Variants in C10orf67 observed in about 807,000 individuals in gnomAD.
C10orf67 encodes uncharacterized protein C10orf67, mitochondrial.
Under a neutral mutation model 35.6 loss-of-function variants are expected in C10orf67, and 60 were observed. That is an observed-to-expected ratio of 1.68 (90% CI 1.37 to 2.09). C10orf67 has a LOEUF of 2.09. C10orf67 is among the 30% of genes most tolerant of loss of function. C10orf67 has a pLI of 0.00. For synonymous variants in C10orf67, 167 were observed against 115.8 expected, an observed-to-expected ratio of 1.44 and a Z score of -2.84; for missense variants, 474 against 330.2, an observed-to-expected ratio of 1.44 and a Z score of -3.38.
intron 7 of C10orf67, among the ~76,000 whole-genome samples, chr10:23,283,741 C>G (rs937856341): frequency 1.3e-5 from 2 of 152,120 alleles, no homozygotes; most frequent in African/African-American, 2.4e-5. Flanking sequence ...CTGGCTAACT[C>G]TAACTGCTCT....
At chr10:23,227,238 C>A (rs1316204109) in intron 13 of C10orf67, among the ~76,000 whole-genome samples, 1 of 152,208 alleles carries the variant, frequency 6.6e-6, no homozygotes, top group Non-Finnish European at 1.5e-5. Context: ...GCTTATCCAA[C>A]ATGATCAAGT....
At chr10:23,223,249 T>C (rs929374438) in intron 15 of C10orf67, among the ~76,000 whole-genome samples, 24 of 152,014 alleles carry the variant, frequency 1.6e-4, no homozygotes, top group African/African-American at 5.8e-4. Context: ...AATTTTTGTA[T>C]GTTTGTATTT....
Position 23,344,692 on chromosome 10 carries a change from C to A in C10orf67, c.83G>T (p.Arg28Met), listed in dbSNP as rs2132435804. The A allele has an allele frequency of 6.3e-7, 1 of 1,576,442 alleles. No individual in the cohort carries two copies. The highest frequency in any genetic ancestry group is 2.3e-5 in the East Asian group (1 of 42,646). ...RWVHCFSSSL[R>M]GTFGTRWEAM... Reference sequence around the variant, plus strand: ...CTCCCAGCGTGTGCCAAAGGTCCCCCTCAAGGAGGAGGAAAAGCAGTGAAC... The same window carrying A: ...CTCCCAGCGTGTGCCAAAGGTCCCCATCAAGGAGGAGGAAAAGCAGTGAAC... The change falls in exon 1 of 16, where the codon AGG becomes ATG. Residue 28 changes from arginine (R) to methionine (M), a missense_variant. Coordinates refer to ENST00000636213, the MANE Select transcript of C10orf67 (RefSeq NM_001371909.1).
At chr10:23,264,901 C>A (rs1057161018) in intron 10 of C10orf67, among the ~76,000 whole-genome samples, 4 of 152,224 alleles carry the variant, frequency 2.6e-5, no homozygotes, top group African/African-American at 9.6e-5. Flanking sequence ...GGCCCCTCAC[C>A]CAGCATGGCT....
chr10:23,343,468 T>C (rs1233912650), intron 1 of C10orf67, among the ~76,000 whole-genome samples: 1 of 152,172 alleles, frequency 6.6e-6, no homozygotes, highest in Non-Finnish European at 1.5e-5. Flanking sequence ...TCCTGTTGCT[T>C]ATAAGCCACC....
chr10:23,204,262 G>C lies in C10orf67; in HGVS notation c.1571-7C>G, dbSNP rs924497179. 2.9e-5 allele frequency: 18 copies of C among 630,664 alleles called. No individual in the cohort carries two copies. Among genetic ancestry groups the C allele is most frequent in the Admixed American group, 2.5e-4 (10 of 39,284 alleles). The allele number at this position is 630,664 out of a possible 1,614,324, so 39.1% of individuals were successfully genotyped here. On this transcript the variant is annotated splice_region_variant and splice_polypyrimidine_tract_variant and intron_variant, in intron 15 of 15. Coordinates refer to ENST00000636213, the MANE Select transcript of C10orf67 (RefSeq NM_001371909.1). ...GGGGATTCCGACAACTTCCCTAAAC[G>C]TGAAGAAAGGTGGACAGACATAAAC...
chr10:23,306,118 G>A (rs1400088094), intron 4 of C10orf67, among the ~76,000 whole-genome samples: 1 of 152,130 alleles, frequency 6.6e-6, no homozygotes, highest in Admixed American at 6.6e-5. Context: ...CAAGATGGAT[G>A]AACCTGGAAG....
At chr10:23,318,848 T>A (rs1844836479) in intron 4 of C10orf67, 1 of 768,974 alleles carries the variant, frequency 1.3e-6, no homozygotes, top group African/African-American at 1.7e-5. Flanking sequence ...CAAGGACCCC[T>A]CTGCTTCTTA....
chr10:23,213,846 C>G (rs1007513710), intron 15 of C10orf67, among the ~76,000 whole-genome samples: 4 of 151,270 alleles, frequency 2.6e-5, no homozygotes, highest in African/African-American at 9.7e-5. Context: ...AAAAATAGTC[C>G]AAATATATCA....
At chr10:23,290,025 C>T in intron 6 of C10orf67, 67 bp from the exon 7 acceptor site, 1 of 709,238 alleles carries the variant, frequency 1.4e-6, no homozygotes, top group Non-Finnish European at 2.6e-6. Flanking sequence ...TTTAAACGGC[C>T]TGCTTCAGGG....
intron 8 of C10orf67, among the ~76,000 whole-genome samples, chr10:23,277,422 G>C (rs1843223998): frequency 6.6e-6 from 1 of 151,828 alleles, no homozygotes; most frequent in Non-Finnish European, 1.5e-5. Context: ...ACATCTTGGT[G>C]CATGGCTGTA....
intron 7 of C10orf67, among the ~76,000 whole-genome samples, chr10:23,286,185 A>G (rs975768470): frequency 6.6e-6 from 1 of 151,400 alleles, no homozygotes; most frequent in Non-Finnish European, 1.5e-5. Context: ...TGAGGCCAGG[A>G]GTTTGAGACC....
At position 23,338,455 on chromosome 10, in the gene C10orf67, A is replaced by T. The variant is rs200410207; in HGVS notation, c.207-5273T>A. Among the ~76,000 whole-genome samples the T allele has an allele frequency of 3.9e-5, 6 of 152,296 alleles. No homozygotes were observed. The East Asian group carries it at 1.2e-3, about 29-fold the overall frequency. ...TTGATAGCACTGAACTTCTTCCATC[A>T]TCCTCACCGGAACACACATTTATTT... is the stretch of plus-strand genomic sequence containing the variant. On this transcript the variant is annotated intron_variant, in intron 1 of 15. Transcript: ENST00000636213.
intron 15 of C10orf67, among the ~76,000 whole-genome samples, chr10:23,220,191 G>C (rs1304172525): frequency 6.6e-6 from 1 of 152,014 alleles, no homozygotes; most frequent in Non-Finnish European, 1.5e-5. Context: ...AAAAGCAGTA[G>C]AGATTAGCTG....
Position 23,282,083 on chromosome 10 carries a change from A to G in C10orf67, c.910-5T>C. ...TCTGTCTCTACTATCCATTAACTGA[A>G]ATAGAGAAGAAATTATATTTTTATT... On this transcript the variant is annotated splice_polypyrimidine_tract_variant and splice_region_variant and intron_variant, in intron 7 of 15. Coordinates refer to ENST00000636213, the MANE Select transcript of C10orf67 (RefSeq NM_001371909.1). The G allele has an allele frequency of 1.8e-6, 1 of 546,524 alleles. No individual in the cohort carries two copies. The highest frequency in any genetic ancestry group is 3.3e-6 in the Non-Finnish European group (1 of 304,722). 33.9% of individuals were successfully genotyped at this position (546,524 alleles called of 1,614,324 possible). A position where few individuals can be genotyped will look rare whatever the true frequency, so the allele number is the denominator to read the frequency against.
intron 15 of C10orf67, among the ~76,000 whole-genome samples, chr10:23,212,478 A>G (rs1841334633): frequency 6.6e-6 from 1 of 152,200 alleles, no homozygotes; most frequent in Non-Finnish European, 1.5e-5. Flanking sequence ...TGGGTGGAAG[A>G]ACAAATTCAC....
intron 1 of C10orf67, chr10:23,344,335 C>T: frequency 2.1e-6 from 1 of 475,336 alleles, no homozygotes; most frequent in Non-Finnish European, 3.6e-6. Context: ...GGAGCACGCG[C>T]GGGAGGAGGG....
chr10:23,330,932 A>T (rs1845421115), intron 2 of C10orf67, among the ~76,000 whole-genome samples: 1 of 151,408 alleles, frequency 6.6e-6, no homozygotes, highest in Non-Finnish European at 1.5e-5. Context: ...TAAGAAAAGG[A>T]AGGAAACTAG....
chr10:23,281,323 T>C (rs1386455765), intron 8 of C10orf67, among the ~76,000 whole-genome samples: 2 of 152,312 alleles, frequency 1.3e-5, no homozygotes, highest in African/African-American at 4.8e-5. Flanking sequence ...GAAGTGGTGT[T>C]GATTTCCTAT....
Sources: allele counts gnomAD v4.1 joint callset (sites outside exome capture counted in the v4.1 genomes callset), GRCh38; gene constraint gnomAD v4.1.1; transcripts MANE v1.5; gene names NCBI Gene and HGNC (gene_info 2026-07-23, HGNC 2026-07-21).